Variants in C8orf89 observed in about 807,000 individuals in gnomAD.
C8orf89 encodes the protein putative uncharacterized protein C8orf89.
C8orf89 carries 14 observed loss-of-function variants against 15.8 expected under a neutral mutation model. That is an observed-to-expected ratio of 0.89 (90% CI 0.59 to 1.39). C8orf89 has a LOEUF of 1.39. Among genes scored for constraint, C8orf89 ranks in the 40% most tolerant of loss-of-function variants. The pLI is 0.00. For synonymous variants in C8orf89, 55 were observed against 62.2 expected, an observed-to-expected ratio of 0.88 and a Z score of 0.54; for missense variants, 181 against 184.5, an observed-to-expected ratio of 0.98 and a Z score of 0.11.
the C8orf89 span, among the ~76,000 whole-genome samples, chr8:73,276,086 AG>A: frequency 6.6e-6 from 1 of 151,840 alleles, no homozygotes. Flanking sequence ...TTCCTGAGAA[AG>A]GGTTCATAGG....
chr8:73,284,813 T>C, the C8orf89 span, among the ~76,000 whole-genome samples: 1 of 152,200 alleles, frequency 6.6e-6, no homozygotes, highest in South Asian at 2.1e-4. Flanking sequence ...TTGTTAACAA[T>C]GTACATAACA....
chr8:73,247,706 T>C (rs1048375557), intron 3 of C8orf89, among the ~76,000 whole-genome samples: 1 of 152,194 alleles, frequency 6.6e-6, no homozygotes, highest in African/African-American at 2.4e-5. Context: ...ATGTTGAGCT[T>C]TTTTTTCATA....
chr8:73,264,642 C>G, the C8orf89 span, among the ~76,000 whole-genome samples: 1 of 152,130 alleles, frequency 6.6e-6, no homozygotes, highest in South Asian at 2.1e-4. Context: ...AGGTGCCCAC[C>G]ACCACACCCA....
intron 3 of C8orf89, among the ~76,000 whole-genome samples, chr8:73,248,665 T>G (rs982436821): frequency 5.3e-5 from 8 of 152,166 alleles, no homozygotes; most frequent in African/African-American, 1.9e-4. Flanking sequence ...CCTCCCTGGT[T>G]AGCTGTATTC....
chr8:73,248,352 A>G (rs1813171694), intron 3 of C8orf89, among the ~76,000 whole-genome samples: 1 of 151,932 alleles, frequency 6.6e-6, no homozygotes, highest in Non-Finnish European at 1.5e-5. Context: ...GCCCTGTACC[A>G]CGGTTTGAAG....
intron 3 of C8orf89, among the ~76,000 whole-genome samples, chr8:73,249,930 T>C (rs1813211491): frequency 6.6e-6 from 1 of 152,146 alleles, no homozygotes. Context: ...TCATTCTGTT[T>C]GAAGAAGAGA....
chr8:73,283,682 C>T, the C8orf89 span, among the ~76,000 whole-genome samples: 1 of 152,114 alleles, frequency 6.6e-6, no homozygotes, highest in South Asian at 2.1e-4. Context: ...TTTAATGTGC[C>T]TACATCTGAC....
the C8orf89 span, among the ~76,000 whole-genome samples, chr8:73,276,100 G>T: frequency 6.6e-6 from 1 of 151,126 alleles, no homozygotes; most frequent in African/African-American, 2.4e-5. Flanking sequence ...TTCATAGGAA[G>T]TAAAATTTTT....
At chr8:73,266,129 T>G in the C8orf89 span, among the ~76,000 whole-genome samples, 1 of 152,236 alleles carries the variant, frequency 6.6e-6, no homozygotes, top group East Asian at 1.9e-4. Context: ...TAAAAAATGA[T>G]TCTTACCTTT....
the C8orf89 span, chr8:73,277,803 C>T: frequency 4.9e-5 from 36 of 727,468 alleles, no homozygotes; most frequent in African/African-American, 6.9e-5. Flanking sequence ...GCCTGGCCTC[C>T]GCACAGCCAT....
chr8:73,259,384 A>C lies in C8orf89; in HGVS notation c.75T>G (p.Ile25Met), dbSNP rs1813477453. Residue 25 changes from isoleucine (I) to methionine (M), a missense_variant, in exon 1 of 4, where the codon ATT becomes ATG. Physicochemically the swap from Ile to Met is conservative, Grantham distance 10. Transcript: ENST00000624510. ...FTRSSFGSCL[I>M]FESSWKKAVL... ...CTGCTTTCTTCCAACTACTCTCAAA[A>C]ATCAAACAACTGCCAAAGGAACTTC... 3 of 1,530,986 alleles carry C rather than the reference A, an allele frequency of 2.0e-6. No homozygotes were observed. In the South Asian group the frequency reaches 3.6e-5, roughly 18 times the overall value. The allele number at this position is 1,530,986 out of a possible 1,614,324, so 94.8% of individuals were successfully genotyped here.
chr8:73,283,011 A>T, the C8orf89 span, among the ~76,000 whole-genome samples: 2 of 152,220 alleles, frequency 1.3e-5, no homozygotes, highest in African/African-American at 4.8e-5. Flanking sequence ...TGCAGTATGA[A>T]TTGAGGTACA....
chr8:73,272,611 C>A, the C8orf89 span, among the ~76,000 whole-genome samples: 1 of 152,026 alleles, frequency 6.6e-6, no homozygotes, highest in African/African-American at 2.4e-5. Context: ...CCCCTCTCCC[C>A]ACCCCATGAT....
At chr8:73,269,186 C>T in the C8orf89 span, among the ~76,000 whole-genome samples, 2 of 152,172 alleles carry the variant, frequency 1.3e-5, no homozygotes, top group Admixed American at 1.3e-4. Flanking sequence ...AGGGCAAAAT[C>T]TCTATTTAAA....
rs892554779 is a variant in C8orf89, at chr8:73,256,429, T to A, written c.281+544A>T. On this transcript the variant is annotated intron_variant, in intron 2 of 3. Coordinates refer to ENST00000624510, the MANE Select transcript of C8orf89 (RefSeq NM_001243237.3). Reference sequence around the variant, plus strand: ...AGGCTAGGACAATCAAGGTTTTTTTTAAAATGCCCTTAAATCGGGGGTGGG... The same window carrying A: ...AGGCTAGGACAATCAAGGTTTTTTTAAAAATGCCCTTAAATCGGGGGTGGG... Among the ~76,000 whole-genome samples, 6 of 152,132 alleles carry A rather than the reference T, an allele frequency of 3.9e-5. No individual in the cohort carries two copies. The East Asian group carries it at 9.7e-4, about 24-fold the overall frequency.
Position 73,257,847 on chromosome 8 carries a change from G to A in C8orf89, c.128-721C>T, listed in dbSNP as rs117721432. Among the ~76,000 whole-genome samples the A allele has an allele frequency of 2.7e-4, 41 of 152,282 alleles. No individual in the cohort carries two copies. The East Asian group carries it at 7.1e-3, about 27-fold the overall frequency. On this transcript the variant is annotated intron_variant, in intron 1 of 3. Coordinates refer to ENST00000624510, the MANE Select transcript of C8orf89 (RefSeq NM_001243237.3). The stretch of plus-strand genomic sequence containing the variant: ...CAAGTGTAGCACAGCAACAAAAATG[G>A]TATTTAATGGGACTAAAATTATTAT...
chr8:73,267,631 A>C, the C8orf89 span, among the ~76,000 whole-genome samples: 9 of 152,224 alleles, frequency 5.9e-5, no homozygotes, highest in Non-Finnish European at 1.0e-4. Flanking sequence ...TGCAAACCTT[A>C]ATAAATGGAG....
the C8orf89 span, among the ~76,000 whole-genome samples, chr8:73,275,574 T>C: frequency 2.6e-5 from 4 of 152,180 alleles, no homozygotes; most frequent in Non-Finnish European, 4.4e-5. Context: ...TCTTTGGATG[T>C]TAAATGGTAC....
intron 1 of C8orf89, among the ~76,000 whole-genome samples, chr8:73,257,711 T>A (rs1813429261): frequency 6.6e-6 from 1 of 152,232 alleles, no homozygotes; most frequent in South Asian, 2.1e-4. Context: ...AAATTATTTT[T>A]AAAAATTTTC....
Sources: gnomAD v4.1 joint callset for allele counts (sites outside exome capture counted in the v4.1 genomes callset) on GRCh38, gnomAD v4.1.1 for gene constraint, MANE v1.5 for transcripts, NCBI Gene and HGNC (gene_info 2026-07-23, HGNC 2026-07-21) for gene names.